Variants in RIMS1 observed in about 807,000 individuals in gnomAD.
The protein encoded by RIMS1 is regulating synaptic membrane exocytosis 1.
RIMS1 carries 83 observed loss-of-function variants against 214.1 expected under a neutral mutation model. That is an observed-to-expected ratio of 0.39 (90% CI 0.32 to 0.47). RIMS1 has a LOEUF of 0.47. RIMS1 is among the 20% of genes least tolerant of loss of function. RIMS1 has a pLI of 0.99. For missense variants in RIMS1, 2,050 were observed against 2,161.8 expected (o/e 0.95, Z 1.03); for synonymous variants, 793 against 786.8 (o/e 1.01, Z -0.13).
At chr6:72,012,850 G>A (rs1811301023) in intron 2 of RIMS1, among the ~76,000 whole-genome samples, 1 of 152,160 alleles carries the variant, frequency 6.6e-6, no homozygotes, top group Admixed American at 6.6e-5. Flanking sequence ...TATGGGCTCA[G>A]GCAGTAAATT....
chr6:71,906,265 A>C (rs1365873909), intron 1 of RIMS1, among the ~76,000 whole-genome samples: 4 of 152,132 alleles, frequency 2.6e-5, no homozygotes, highest in African/African-American at 9.7e-5. Flanking sequence ...CTTCTTTCTC[A>C]CTTATAACCT....
At chr6:72,139,166 A>G (rs949432641) in intron 4 of RIMS1, among the ~76,000 whole-genome samples, 1 of 151,906 alleles carries the variant, frequency 6.6e-6, no homozygotes, top group Non-Finnish European at 1.5e-5. Flanking sequence ...ATATGAAAAG[A>G]CTCTGGCCTT....
chr6:72,045,758 G>A (rs1822819024), intron 2 of RIMS1, among the ~76,000 whole-genome samples: 1 of 151,538 alleles, frequency 6.6e-6, no homozygotes, highest in Non-Finnish European at 1.5e-5. Context: ...AATAGTAAAT[G>A]TAAATATTTT....
At chr6:72,366,715 A>C (rs1229042908) in intron 29 of RIMS1, 1 of 985,710 alleles carries the variant, frequency 1.0e-6, no homozygotes, top group Non-Finnish European at 1.2e-6. Flanking sequence ...AGAATGGGAG[A>C]GAGACAGAGA....
At chr6:72,080,403 T>C (rs988477675) in intron 2 of RIMS1, among the ~76,000 whole-genome samples, 2 of 152,174 alleles carry the variant, frequency 1.3e-5, no homozygotes, top group Admixed American at 6.5e-5. Flanking sequence ...ATCAGAGCTA[T>C]GGTCCAGACT....
At chr6:72,068,514 A>AG (rs896071841) in intron 2 of RIMS1, among the ~76,000 whole-genome samples, 2 of 152,176 alleles carry the variant, frequency 1.3e-5, no homozygotes, top group African/African-American at 4.8e-5. Context: ...GTGGAGGAGT[A>AG]GGGGGAGTAA....
chr6:72,086,089 A>G (rs1834592656), intron 2 of RIMS1, among the ~76,000 whole-genome samples: 1 of 152,138 alleles, frequency 6.6e-6, no homozygotes, highest in South Asian at 2.1e-4. Context: ...TCACTCTAAG[A>G]AAAGTGCTTA....
intron 27 of RIMS1, among the ~76,000 whole-genome samples, chr6:72,310,315 C>T (rs1177043381): frequency 6.6e-6 from 1 of 152,016 alleles, no homozygotes; most frequent in African/African-American, 2.4e-5. Context: ...CCCTAACATC[C>T]ATCCTGAGTA....
chr6:72,012,030 CAT>C (rs1810831225), intron 2 of RIMS1, among the ~76,000 whole-genome samples: 1 of 152,120 alleles, frequency 6.6e-6, no homozygotes, highest in Non-Finnish European at 1.5e-5. Flanking sequence ...CACATGCACA[CAT>C]ATGTTTATTG....
intron 18 of RIMS1, 129 bp from the exon 19 acceptor site, chr6:72,260,576 C>A: frequency 8.1e-7 from 1 of 1,240,116 alleles, no homozygotes; most frequent in Non-Finnish European, 1.1e-6. Context: ...TTTGTTTAAC[C>A]TCTCAAGCAA....
Position 71,886,757 on chromosome 6 carries a change from G to A in RIMS1, c.-267G>A. The A allele has an allele frequency of 3.6e-6, 1 of 281,670 alleles. No individual in the cohort carries two copies. Among genetic ancestry groups the A allele is most frequent in the Non-Finnish European group, 6.6e-6 (1 of 151,698 alleles). The allele number at this position is 281,670 out of a possible 1,614,324, so 17.4% of individuals were successfully genotyped here. On this transcript the variant is annotated 5_prime_UTR_variant, in exon 1 of 34. Coordinates refer to ENST00000521978, the MANE Select transcript of RIMS1 (RefSeq NM_014989.7). Reference sequence around the variant, plus strand: ...CCCGCCGGCCGAGGCTGGGCTGCGGGAGGCGGCCGGGCGGCCCCGAGCTTC... The same window carrying A: ...CCCGCCGGCCGAGGCTGGGCTGCGGAAGGCGGCCGGGCGGCCCCGAGCTTC...
At chr6:71,952,663 C>T (rs934759500) in intron 1 of RIMS1, among the ~76,000 whole-genome samples, 2 of 152,104 alleles carry the variant, frequency 1.3e-5, no homozygotes, top group African/African-American at 2.4e-5. Flanking sequence ...TGGGAGGAAA[C>T]GTCTTTTTTG....
At chr6:71,935,042 G>A (rs1314510713) in intron 1 of RIMS1, among the ~76,000 whole-genome samples, 1 of 152,196 alleles carries the variant, frequency 6.6e-6, no homozygotes, top group East Asian at 1.9e-4. Flanking sequence ...GACAAATTAA[G>A]TAAGTGCAGT....
intron 6 of RIMS1, among the ~76,000 whole-genome samples, chr6:72,184,951 T>G (rs1409853174): frequency 6.6e-6 from 1 of 152,194 alleles, no homozygotes; most frequent in East Asian, 1.9e-4. Context: ...GCCAGCCTTT[T>G]GGTTGTACAA....
At chr6:72,106,810 A>G (rs1428767947) in intron 4 of RIMS1, among the ~76,000 whole-genome samples, 1 of 152,140 alleles carries the variant, frequency 6.6e-6, no homozygotes. Flanking sequence ...AAAATTTACT[A>G]TTGCTAGAGA....
intron 29 of RIMS1, among the ~76,000 whole-genome samples, chr6:72,379,256 G>A (rs868246196): frequency 2.0e-5 from 3 of 152,214 alleles, no homozygotes; most frequent in Admixed American, 1.3e-4. Context: ...GGCTGTTATG[G>A]CGACTCCTTT....
intron 6 of RIMS1, among the ~76,000 whole-genome samples, chr6:72,220,486 A>C (rs1046168515): frequency 2.2e-4 from 33 of 152,124 alleles, no homozygotes; most frequent in African/African-American, 7.2e-4. Context: ...AGTACTTGAC[A>C]TTCAGTGGTA....
intron 1 of RIMS1, among the ~76,000 whole-genome samples, chr6:71,955,335 T>A (rs1161452484): frequency 6.6e-6 from 1 of 152,036 alleles, no homozygotes; most frequent in South Asian, 2.1e-4. Context: ...CCTGGCTAAC[T>A]TTTGTATTTT....
chr6:72,043,118 C>T (rs1400298936), intron 2 of RIMS1, among the ~76,000 whole-genome samples: 1 of 150,880 alleles, frequency 6.6e-6, no homozygotes, highest in South Asian at 2.1e-4. Context: ...ATCTTAGACT[C>T]TGTGCTGTAT....
Sources: allele counts gnomAD v4.1 joint callset (sites outside exome capture counted in the v4.1 genomes callset), GRCh38; gene constraint gnomAD v4.1.1; transcripts MANE v1.5; gene names NCBI Gene and HGNC (gene_info 2026-07-23, HGNC 2026-07-21).